The following GFRA1 variants were observed in gnomAD, a reference collection of about 807,000 sequenced individuals.
GFRA1 encodes the protein GDNF family receptor alpha 1, also known as GDNF family receptor alpha-1.
In GFRA1, 16 loss-of-function variants were observed where a neutral mutation model predicts 51.6. The ratio of observed to expected loss-of-function variants is 0.31; its 90% CI spans 0.21 to 0.47. GFRA1 has a LOEUF of 0.47. Among genes scored for constraint, GFRA1 ranks in the 20% least tolerant of loss-of-function variants. GFRA1 has a pLI of 1.00. For missense variants in GFRA1, 530 were observed against 594.3 expected (o/e 0.89, Z 1.13); for synonymous variants, 270 against 241.3 (o/e 1.12, Z -1.10).
rs12773417 is a variant in GFRA1, at chr10:116,196,627, T to A, written c.433+15004A>T. ...TATATAGTACTATATATAATATATATAATATATAGTACTATATATAATATA... is the reference window on the plus strand; with the variant it reads ...TATATAGTACTATATATAATATATAAAATATATAGTACTATATATAATATA... On this transcript the variant is annotated intron_variant, in intron 5 of 10. Transcript: ENST00000355422. 2.0e-4 allele frequency among the ~76,000 whole-genome samples: 6 copies of A among 29,936 alleles called. 1 individual carries two copies. Among genetic ancestry groups the A allele is most frequent in the African/African-American group, 6.9e-4 (6 of 8,704 alleles). 19.6% of individuals were successfully genotyped at this position (29,936 alleles called of 152,430 possible). A position where few individuals can be genotyped will look rare whatever the true frequency, so the allele number is the denominator to read the frequency against.
Position 116,270,836 on chromosome 10 carries a change from T to C in GFRA1, c.320A>G (p.Tyr107Cys). 6.2e-7 allele frequency: 1 copy of C among 1,613,516 alleles called. No homozygotes were observed. Among genetic ancestry groups the C allele is most frequent in the Non-Finnish European group, 8.5e-7 (1 of 1,179,902 alleles). ...TCCACGCGTACCCTGCAGGCTCTGG[T>C]ACATGCTCCAGTAAATGCGCAGGCA... is the stretch of plus-strand genomic sequence containing the variant. ...KNCLRIYWSM[Y>C]QSLQGNDLLE... Residue 107 changes from tyrosine to cysteine, a missense_variant, in exon 3 of 11, where the codon TAC becomes TGC. Transcript: ENST00000355422.
chr10:116,141,180 T>C (rs2286732), intron 5 of GFRA1, among the ~76,000 whole-genome samples: 58,963 of 152,072 alleles, frequency 0.39, 11,466 homozygotes, highest in African/African-American at 0.42. Flanking sequence ...AAATGGCTTG[T>C]GCTGGATAAT....
chr10:116,059,431 C>T lies in GFRA1; in HGVS notation c.*4967G>A, dbSNP rs1344381019. 1 of 152,218 alleles carries T rather than the reference C, an allele frequency of 6.6e-6. No homozygotes were observed. The highest frequency in any genetic ancestry group is 1.5e-5 in the Non-Finnish European group (1 of 68,062). The allele number at this position is 152,218 out of a possible 1,614,324, so 9.4% of individuals were successfully genotyped here. Reference sequence around the variant, plus strand: ...GCCGGTGCTGGGCTTGGCAGCTGCCCTGGAGCAAAAATTAACTCCCCATGG... The same window carrying T: ...GCCGGTGCTGGGCTTGGCAGCTGCCTTGGAGCAAAAATTAACTCCCCATGG... On this transcript the variant is annotated 3_prime_UTR_variant, in exon 11 of 11. Transcript: ENST00000355422.
At chr10:116,167,498 T>C (rs1044202821) in intron 5 of GFRA1, among the ~76,000 whole-genome samples, 2 of 152,150 alleles carry the variant, frequency 1.3e-5, no homozygotes, top group African/African-American at 2.4e-5. Flanking sequence ...TCCCTGTGGA[T>C]TGGGCCCAAT....
intron 4 of GFRA1, chr10:116,255,828 C>A (rs939569910): frequency 2.0e-6 from 2 of 1,025,594 alleles, no homozygotes; most frequent in Non-Finnish European, 1.3e-6. Context: ...CGCAAAAAAC[C>A]TGAGTTACTG....
intron 5 of GFRA1, among the ~76,000 whole-genome samples, chr10:116,195,607 C>T (rs916576325): frequency 1.3e-5 from 2 of 152,148 alleles, no homozygotes; most frequent in African/African-American, 2.4e-5. Flanking sequence ...GCTCTTTTGC[C>T]GGTCACTCAC....
intron 5 of GFRA1, among the ~76,000 whole-genome samples, chr10:116,198,738 T>A (rs1381745256): frequency 3.9e-5 from 6 of 152,228 alleles, no homozygotes; most frequent in Non-Finnish European, 8.8e-5. Context: ...CCTCCCTTGA[T>A]GCTTCTCTTT....
intron 5 of GFRA1, among the ~76,000 whole-genome samples, chr10:116,196,184 T>C (rs1429453026): frequency 1.5e-5 from 2 of 132,620 alleles, no homozygotes; most frequent in Non-Finnish European, 3.1e-5. Flanking sequence ...TTTACAAATT[T>C]GATGTCTTAA....
In GFRA1 at chr10:116,063,746, T is replaced by C. The variant is rs943315911; in HGVS notation, c.*652A>G. On this transcript the variant is annotated 3_prime_UTR_variant, in exon 11 of 11. Coordinates refer to ENST00000355422, the MANE Select transcript of GFRA1 (RefSeq NM_005264.8). ...TATTTTGACGAAAAGACAGATACTA[T>C]ATTTGGATGTGACAGGTGTTTTTTC... 3 of 152,432 alleles carry C rather than the reference T, an allele frequency of 2.0e-5. No homozygotes were observed. The highest frequency in any genetic ancestry group is 7.2e-5 in the African/African-American group (3 of 41,434). 9.4% of individuals were successfully genotyped at this position (152,432 alleles called of 1,614,324 possible). A position where few individuals can be genotyped will look rare whatever the true frequency, so the allele number is the denominator to read the frequency against.
At chr10:116,178,418 A>C (rs969190539) in intron 5 of GFRA1, among the ~76,000 whole-genome samples, 3 of 152,214 alleles carry the variant, frequency 2.0e-5, no homozygotes, top group Non-Finnish European at 2.9e-5. Context: ...CCAGATGCCA[A>C]GCTTGTTGAG....
chr10:116,241,400 G>A (rs77006578), intron 4 of GFRA1, among the ~76,000 whole-genome samples: 1,786 of 152,278 alleles, frequency 0.012, 32 homozygotes, highest in African/African-American at 0.041. Context: ...TTCACAGTTC[G>A]TGTGCTGCTT....
At chr10:116,181,784 C>T (rs1020588674) in intron 5 of GFRA1, among the ~76,000 whole-genome samples, 2 of 152,070 alleles carry the variant, frequency 1.3e-5, no homozygotes, top group Admixed American at 6.6e-5. Flanking sequence ...ACTACAGGCG[C>T]CCGCGCCCGC....
chr10:116,193,829 G>C (rs550477666), intron 5 of GFRA1, among the ~76,000 whole-genome samples: 1 of 151,836 alleles, frequency 6.6e-6, no homozygotes, highest in Non-Finnish European at 1.5e-5. Context: ...AGGCCTAGGC[G>C]GGTGGATCAT....
At chr10:116,084,230 T>TAACA (rs1163026391) in intron 9 of GFRA1, among the ~76,000 whole-genome samples, 2 of 152,330 alleles carry the variant, frequency 1.3e-5, no homozygotes, top group African/African-American at 4.8e-5. Context: ...TGGTTGATTT[T>TAACA]AACAGGAAGC....
At chr10:116,246,549 A>T (rs1347256039) in intron 4 of GFRA1, among the ~76,000 whole-genome samples, 1 of 152,228 alleles carries the variant, frequency 6.6e-6, no homozygotes, top group East Asian at 1.9e-4. Flanking sequence ...AGTAATTAGC[A>T]AAAAACGAAA....
At chr10:116,065,663 T>C in intron 9 of GFRA1, 37 bp from the exon 10 acceptor site, 6 of 1,534,478 alleles carry the variant, frequency 3.9e-6, no homozygotes, top group Non-Finnish European at 5.4e-6. Context: ...TCAAACATAA[T>C]ACAGAAGAGT....
chr10:116,144,155 T>C (rs1456399139), intron 5 of GFRA1, among the ~76,000 whole-genome samples: 2 of 152,150 alleles, frequency 1.3e-5, no homozygotes, highest in African/African-American at 4.8e-5. Flanking sequence ...TTAAGAAATA[T>C]TGTACTGCTA....
At chr10:116,077,171 C>G (rs1251576356) in intron 9 of GFRA1, among the ~76,000 whole-genome samples, 1 of 152,168 alleles carries the variant, frequency 6.6e-6, no homozygotes, top group African/African-American at 2.4e-5. Context: ...CTGGAGTTCT[C>G]CTGGCCTCAC....
intron 9 of GFRA1, among the ~76,000 whole-genome samples, chr10:116,080,779 C>A (rs1236990492): frequency 6.6e-6 from 1 of 152,132 alleles, no homozygotes; most frequent in Non-Finnish European, 1.5e-5. Flanking sequence ...GGACTTGAGC[C>A]ACAGTAGGTC....
Sources: allele counts gnomAD v4.1 joint callset (sites outside exome capture counted in the v4.1 genomes callset), GRCh38; gene constraint gnomAD v4.1.1; transcripts MANE v1.5; gene names NCBI Gene and HGNC (gene_info 2026-07-23, HGNC 2026-07-21).